The following WLS variants were observed in gnomAD, a reference collection of about 807,000 sequenced individuals.
WLS encodes protein wntless homolog.
In WLS, 23 loss-of-function variants were observed where a neutral mutation model predicts 62.8. That is an observed-to-expected ratio of 0.37 (90% CI 0.26 to 0.52). The LOEUF is 0.52. Ranked by LOEUF, WLS falls within the 20% of genes least tolerant of loss-of-function variation. The pLI is 0.92. For synonymous variants in WLS, 246 were observed against 244.1 expected (o/e 1.01, Z -0.07); for missense variants, 615 against 697.3 (o/e 0.88, Z 1.33).
intron 1 of WLS, chr1:68,202,299 G>A (rs1175329604): frequency 1.3e-5 from 2 of 152,192 alleles, no homozygotes; most frequent in African/African-American, 4.8e-5. Flanking sequence ...TGCACATAAA[G>A]GGCCCTGCCA....
chr1:68,146,930 G>T (rs1029913243), intron 8 of WLS, among the ~76,000 whole-genome samples: 1 of 151,920 alleles, frequency 6.6e-6, no homozygotes, highest in Admixed American at 6.6e-5. Context: ...TTGTTGCCCG[G>T]GCTGAAGTGC....
rs1250524887 is a variant in WLS, at chr1:68,125,402, T to C, written c.*824A>G. 1.0e-6 allele frequency: 1 copy of C among 976,496 alleles called. No individual in the cohort carries two copies. The highest frequency in any genetic ancestry group is 1.2e-6 in the Non-Finnish European group (1 of 825,872). 60.5% of individuals were successfully genotyped at this position (976,496 alleles called of 1,614,324 possible). ...GGATATGCATGTACACATATGCATA[T>C]ACATACAGGTTTATTTAAATGATTG... is the stretch of plus-strand genomic sequence containing the variant. On this transcript the variant is annotated 3_prime_UTR_variant, in exon 12 of 12. Transcript: ENST00000262348.
In WLS at chr1:68,126,093, C is replaced by T. The variant is rs745383918; in HGVS notation, c.*133G>A. ...AAGGCAAACTGACAAATGTCCATGC[C>T]GCTGGTCCAAGAAACCACAGCTAAG... On this transcript the variant is annotated 3_prime_UTR_variant, in exon 12 of 12. Transcript: ENST00000262348. 6.9e-5 allele frequency: 101 copies of T among 1,455,734 alleles called. No individual in the cohort carries two copies. The highest frequency in any genetic ancestry group is 8.7e-5 in the Non-Finnish European group (96 of 1,100,434). 90.2% of individuals were successfully genotyped at this position (1,455,734 alleles called of 1,614,324 possible). A position where few individuals can be genotyped will look rare whatever the true frequency, so the allele number is the denominator to read the frequency against.
chr1:68,139,971 G>A (rs148340220), intron 10 of WLS, among the ~76,000 whole-genome samples: 23 of 152,288 alleles, frequency 1.5e-4, no homozygotes, highest in Middle Eastern at 3.4e-3. Context: ...ATTGCTTTCC[G>A]TTATACTTAT....
intron 11 of WLS, among the ~76,000 whole-genome samples, chr1:68,106,219 G>A (rs1399009811): frequency 6.6e-6 from 1 of 152,140 alleles, no homozygotes; most frequent in East Asian, 1.9e-4. Context: ...GGCACTTCGA[G>A]CCATTCATAA....
chr1:68,194,290 A>G, intron 1 of WLS, 63 bp from the exon 2 acceptor site: 1 of 1,567,538 alleles, frequency 6.4e-7, no homozygotes, highest in Non-Finnish European at 8.6e-7. Context: ...TTTCTGGTTA[A>G]TATTCTTTCC....
chr1:68,182,339 C>G (rs1307848602), intron 2 of WLS, among the ~76,000 whole-genome samples: 4 of 152,176 alleles, frequency 2.6e-5, no homozygotes, highest in Non-Finnish European at 4.4e-5. Flanking sequence ...CACTCAAAGC[C>G]AAAGGTTCCC....
intron 2 of WLS, among the ~76,000 whole-genome samples, chr1:68,179,178 T>G (rs879778789): frequency 1.3e-5 from 2 of 152,248 alleles, no homozygotes; most frequent in Admixed American, 1.3e-4. Flanking sequence ...TCTTCTAGAA[T>G]GGTTTTCACT....
At chr1:68,165,978 T>TTG (rs1164772534) in intron 2 of WLS, among the ~76,000 whole-genome samples, 7 of 152,200 alleles carry the variant, frequency 4.6e-5, no homozygotes, top group African/African-American at 1.7e-4. Context: ...CTAGATAGGA[T>TTG]TGCTTCCTTG....
intron 1 of WLS, among the ~76,000 whole-genome samples, chr1:68,225,502 C>T (rs116567136): frequency 1.9e-3 from 287 of 152,284 alleles, no homozygotes; most frequent in African/African-American, 6.6e-3. Flanking sequence ...TGTCTTGATG[C>T]TCCCTGTGTC....
In WLS at chr1:68,145,849, G is replaced by C. The variant is rs371889535; in HGVS notation, c.1278+20C>G. On this transcript the variant is annotated intron_variant, in intron 9 of 11. Coordinates refer to ENST00000262348, the MANE Select transcript of WLS (RefSeq NM_024911.7). ...ATCAAGCAAGCACCAGTTCCAGAAC[G>C]AGCCAAGAAATCTGCCCACCTCATA... The C allele has an allele frequency of 1.9e-6, 3 of 1,613,762 alleles. No homozygotes were observed. Among genetic ancestry groups the C allele is most frequent in the Non-Finnish European group, 2.5e-6 (3 of 1,179,860 alleles).
intron 1 of WLS, among the ~76,000 whole-genome samples, chr1:68,224,027 G>T (rs1241636987): frequency 6.6e-6 from 1 of 152,156 alleles, no homozygotes; most frequent in Non-Finnish European, 1.5e-5. Flanking sequence ...CAAAACAAAT[G>T]TAATAACTTG....
chr1:68,117,934 T>C (rs1646314241), intron 11 of WLS, among the ~76,000 whole-genome samples: 2 of 151,742 alleles, frequency 1.3e-5, no homozygotes, highest in South Asian at 2.1e-4. Flanking sequence ...ATTTAATTGG[T>C]CTTCCAGCTG....
At chr1:68,218,859 G>A (rs750307922) in intron 1 of WLS, among the ~76,000 whole-genome samples, 3 of 152,168 alleles carry the variant, frequency 2.0e-5, no homozygotes, top group Non-Finnish European at 4.4e-5. Flanking sequence ...TTCCTGTCAA[G>A]GGCATTTATA....
chr1:68,099,205 AT>A lies in WLS; in HGVS notation c.1511-453del, dbSNP rs565326495. Among the ~76,000 whole-genome samples, 1,133 of 151,414 alleles carry A rather than the reference AT, an allele frequency of 7.5e-3. 6 individuals are homozygous for A. Among genetic ancestry groups the A allele is most frequent in the Non-Finnish European group, 9.3e-3 (630 of 67,790 alleles). The stretch of plus-strand genomic sequence containing the variant: ...TTGAATCATCTTTAAATTTATTTTT[AT>A]TTTTTTTTATATGTCTTATCATCTT... On this transcript the variant is annotated intron_variant, in intron 11 of 11. Transcript: ENST00000354777.
chr1:68,141,088 G>T (rs1432350501), intron 10 of WLS, among the ~76,000 whole-genome samples: 1 of 151,254 alleles, frequency 6.6e-6, no homozygotes, highest in Non-Finnish European at 1.5e-5. Context: ...ACTTTTGTGT[G>T]AAACCACCCA....
intron 2 of WLS, among the ~76,000 whole-genome samples, chr1:68,184,605 T>C (rs932808025): frequency 6.6e-6 from 1 of 152,242 alleles, no homozygotes; most frequent in African/African-American, 2.4e-5. Context: ...TGCCTATTCA[T>C]ACTCCATTTC....
rs1384225388 is a variant in WLS at position 68,159,199 on chromosome 1, T to A, written c.428A>T (p.Asp143Val). Reference sequence around the variant, plus strand: ...CATTTCAGTCCACTCAGCAAACGCGTCATCACGGTAAGCCAGGGAAACGTC... The same window carrying A: ...CATTTCAGTCCACTCAGCAAACGCGACATCACGGTAAGCCAGGGAAACGTC... ...SMDVSLAYRD[D>V]AFAEWTEMAH... The change falls in exon 3 of 12, where the codon GAC (aspartate) becomes GTC (valine). Residue 143 changes from aspartate (D) to valine (V), a missense_variant. Asp to Val is a radical substitution (Grantham distance 152). Transcript: ENST00000262348. The A allele has an allele frequency of 6.2e-7, 1 of 1,613,982 alleles. No homozygotes were observed. The highest frequency in any genetic ancestry group is 8.5e-7 in the Non-Finnish European group (1 of 1,180,000).
intron 2 of WLS, among the ~76,000 whole-genome samples, chr1:68,166,528 C>T (rs1022174190): frequency 2.1e-4 from 32 of 152,180 alleles, no homozygotes; most frequent in African/African-American, 7.7e-4. Flanking sequence ...CACTCTACTA[C>T]CTTTGCTGGT....
Sources: allele counts gnomAD v4.1 joint callset (sites outside exome capture counted in the v4.1 genomes callset), GRCh38; gene constraint gnomAD v4.1.1; transcripts MANE v1.5; gene names NCBI Gene and HGNC (gene_info 2026-07-23, HGNC 2026-07-21).